CCDC83: variants seen among roughly 807,000 people sequenced by gnomAD.
CCDC83 encodes coiled-coil domain-containing protein 83.
CCDC83 carries 54 observed loss-of-function variants against 50.1 expected under a neutral mutation model. The observed-to-expected ratio is 1.08, with a 90% confidence interval of 0.87 to 1.35. The LOEUF is 1.35. Among genes scored for constraint, CCDC83 ranks in the 40% most tolerant of loss-of-function variants. The pLI, the probability that CCDC83 is intolerant of heterozygous loss-of-function variation, is 0.00. For missense variants in CCDC83, 518 were observed against 473.9 expected (o/e 1.09, Z -0.86); for synonymous variants, 161 against 153.3 (o/e 1.05, Z -0.37).
intron 1 of CCDC83, among the ~76,000 whole-genome samples, chr11:85,862,407 A>G (rs182257320): frequency 6.6e-6 from 1 of 152,324 alleles, no homozygotes; most frequent in East Asian, 1.9e-4. Flanking sequence ...TGCTGGATGA[A>G]GATCTCCCTA....
chr11:85,914,435 G>T (rs2093468192), intron 8 of CCDC83, among the ~76,000 whole-genome samples: 1 of 152,164 alleles, frequency 6.6e-6, no homozygotes, highest in Admixed American at 6.5e-5. Flanking sequence ...TGTAGAGAGA[G>T]CTACAACAGC....
chr11:85,919,498 G>A lies in CCDC83; in HGVS notation c.1230G>A (p.Lys410=). Reference sequence around the variant, plus strand: ...GCCACATCACATATAAGATGATGAAGTCTTTTCTCTAAGACGGAAAGCTGC... The same window carrying A: ...GCCACATCACATATAAGATGATGAAATCTTTTCTCTAAGACGGAAAGCTGC... The part of the protein sequence containing the change: ...PESHITYKMM[K]SFL The change falls in exon 11 of 11, where the codon AAG becomes AAA. Residue 410 remains lysine, a synonymous_variant. Coordinates refer to ENST00000342404, the MANE Select transcript of CCDC83 (RefSeq NM_001286159.2). 6.2e-7 allele frequency: 1 copy of A among 1,606,400 alleles called. No homozygotes were observed. The highest frequency in any genetic ancestry group is 1.3e-5 in the African/African-American group (1 of 74,532).
At chr11:85,908,612 C>T (rs113753162) in intron 7 of CCDC83, among the ~76,000 whole-genome samples, 94 of 127,128 alleles carry the variant, frequency 7.4e-4, no homozygotes, top group East Asian at 1.7e-3. Flanking sequence ...GATAGATAGA[C>T]AGATAGAATT....
At chr11:85,894,116 C>T (rs1368708019) in intron 5 of CCDC83, among the ~76,000 whole-genome samples, 1 of 152,026 alleles carries the variant, frequency 6.6e-6, no homozygotes, top group African/African-American at 2.4e-5. Flanking sequence ...CAAAACCATC[C>T]CCCTCTGCCA....
At chr11:85,891,234 AC>A (rs2093349239) in intron 5 of CCDC83, among the ~76,000 whole-genome samples, 1 of 152,132 alleles carries the variant, frequency 6.6e-6, no homozygotes, top group Non-Finnish European at 1.5e-5. Context: ...ATCAAACATG[AC>A]CAATGGCCTT....
chr11:85,885,765 G>T (rs2093323953), intron 4 of CCDC83, among the ~76,000 whole-genome samples: 1 of 152,342 alleles, frequency 6.6e-6, no homozygotes, highest in South Asian at 2.1e-4. Flanking sequence ...AAAAATGGTT[G>T]CCAAGGACCT....
chr11:85,898,900 G>A (rs749847571), intron 6 of CCDC83, 47 bp from the exon 7 acceptor site: 1 of 1,267,306 alleles, frequency 7.9e-7, no homozygotes, highest in East Asian at 2.3e-5. Flanking sequence ...CTAAAATTGT[G>A]AATCAGCATG....
At chr11:85,891,002 C>T (rs2093348249) in intron 5 of CCDC83, among the ~76,000 whole-genome samples, 1 of 152,048 alleles carries the variant, frequency 6.6e-6, no homozygotes, top group Non-Finnish European at 1.5e-5. Flanking sequence ...TTGGGTGTAA[C>T]ACAAATGAGG....
intron 4 of CCDC83, among the ~76,000 whole-genome samples, chr11:85,884,849 A>G (rs187116092): frequency 1.3e-5 from 2 of 152,336 alleles, no homozygotes; most frequent in African/African-American, 2.4e-5. Context: ...ACAACTACCC[A>G]TCTGGCTTAT....
intron 7 of CCDC83, among the ~76,000 whole-genome samples, chr11:85,902,947 G>A (rs2093408755): frequency 6.6e-6 from 1 of 152,150 alleles, no homozygotes; most frequent in Non-Finnish European, 1.5e-5. Context: ...AAATCTGCAT[G>A]TTGGCCAGGT....
chr11:85,882,556 T>A lies in CCDC83; in HGVS notation c.224T>A (p.Leu75Gln). 5 of 1,613,940 alleles carry A rather than the reference T, an allele frequency of 3.1e-6. No individual in the cohort carries two copies. The highest frequency in any genetic ancestry group is 4.2e-6 in the Non-Finnish European group (5 of 1,179,890). Residue 75 changes from leucine to glutamine, a missense_variant, in exon 4 of 11, where the codon CTA becomes CAA. Physicochemically the swap from Leu to Gln is moderately radical, Grantham distance 113. Transcript: ENST00000342404. ...GAACAGATTTGGCACATACGGCATC[T>A]ACTAAAGGAACTGAGTGAAGAGAAG... Reference protein sequence around the residue: ...KEEQIWHIRHLLKELSEEKAE... With the variant: ...KEEQIWHIRHQLKELSEEKAE...
chr11:85,916,651 G>A (rs1035969516), intron 10 of CCDC83: 12 of 170,508 alleles, frequency 7.0e-5, no homozygotes, highest in Non-Finnish European at 1.2e-4. Context: ...AGGCTTGATC[G>A]GGGCAGGAGT....
intron 5 of CCDC83, among the ~76,000 whole-genome samples, chr11:85,892,709 G>T (rs2093355987): frequency 6.6e-6 from 1 of 152,102 alleles, no homozygotes; most frequent in Non-Finnish European, 1.5e-5. Flanking sequence ...ATTGATTATT[G>T]TGTTTTGTTG....
intron 5 of CCDC83, among the ~76,000 whole-genome samples, chr11:85,891,929 C>T (rs1482334171): frequency 6.6e-6 from 1 of 152,170 alleles, no homozygotes; most frequent in Non-Finnish European, 1.5e-5. Flanking sequence ...AATAGTCCCC[C>T]TGAATCTGTG....
chr11:85,917,209 G>GAAAGA (rs1565160173), intron 10 of CCDC83, among the ~76,000 whole-genome samples: 1 of 94,806 alleles, frequency 1.1e-5, no homozygotes, highest in Admixed American at 1.2e-4. Flanking sequence ...AAAGAAAGAA[G>GAAAGA]GAAAGAAAGA....
chr11:85,869,514 A>G (rs1440691895), intron 2 of CCDC83, among the ~76,000 whole-genome samples: 2 of 152,224 alleles, frequency 1.3e-5, no homozygotes, highest in Non-Finnish European at 2.9e-5. Context: ...AGAATTTTCA[A>G]TGAAATTGCA....
intron 8 of CCDC83, among the ~76,000 whole-genome samples, 160 bp from the exon 9 acceptor site, chr11:85,915,259 G>A (rs527482141): frequency 6.6e-6 from 1 of 152,222 alleles, no homozygotes; most frequent in South Asian, 2.1e-4. Flanking sequence ...ATACCGTAAG[G>A]CTGTCTGCCA....
At chr11:85,909,323 C>T (rs777346138) in intron 7 of CCDC83, among the ~76,000 whole-genome samples, 2 of 152,176 alleles carry the variant, frequency 1.3e-5, no homozygotes, top group Non-Finnish European at 1.5e-5. Context: ...TGAATCTAAA[C>T]CCCTGTGCCT....
chr11:85,865,612 G>T (rs994428844), intron 2 of CCDC83, among the ~76,000 whole-genome samples: 1 of 152,210 alleles, frequency 6.6e-6, no homozygotes. Context: ...AAGAGGCCGG[G>T]CATGGTGGCT....
Sources: allele counts gnomAD v4.1 joint callset (sites outside exome capture counted in the v4.1 genomes callset), GRCh38; gene constraint gnomAD v4.1.1; transcripts MANE v1.5; gene names NCBI Gene and HGNC (gene_info 2026-07-23, HGNC 2026-07-21).